NEDD4: variants seen among roughly 807,000 people sequenced by gnomAD.
NEDD4 encodes E3 ubiquitin-protein ligase NEDD4.
A neutral mutation model predicts 144.9 loss-of-function variants in NEDD4; 99 were observed. That is an observed-to-expected ratio of 0.68 (90% confidence interval 0.58 to 0.81). NEDD4 has a LOEUF of 0.81. Among genes scored for constraint, NEDD4 ranks in the 30% least tolerant of loss-of-function variants. The probability of loss-of-function intolerance (pLI) is 0.00; values close to 1 mark genes in which losing one functional copy is unlikely to be tolerated. For synonymous variants in NEDD4, 318 were observed against 350.6 expected (o/e 0.91, Z 1.04); for missense variants, 985 against 1,065.9 (o/e 0.92, Z 1.06).
intron 4 of NEDD4, among the ~76,000 whole-genome samples, chr15:55,949,641 G>A (rs1338477521): frequency 4.6e-5 from 7 of 152,196 alleles, no homozygotes; most frequent in African/African-American, 1.4e-4. Flanking sequence ...ATGAGTTCAT[G>A]TCTTTTGTAG....
In NEDD4 at chr15:55,899,448, TATAAC is replaced by T. The variant is rs1230664210; in HGVS notation, c.291+25193_291+25197del. ...AACTCATATGATTTTTACTGAAGAC[TATAAC>T]ATATCAATGAAAACAGGAAAAACGG... On this transcript the variant is annotated intron_variant, in intron 5 of 28. Coordinates refer to ENST00000435532, the MANE Select transcript of NEDD4 (RefSeq NM_006154.4). Among the ~76,000 whole-genome samples the T allele has an allele frequency of 3.9e-5, 6 of 152,328 alleles. No individual in the cohort carries two copies. In the East Asian group the frequency reaches 1.2e-3, roughly 29 times the overall value.
At chr15:55,958,653 A>G (rs1380591356) in intron 2 of NEDD4, among the ~76,000 whole-genome samples, 1 of 152,134 alleles carries the variant, frequency 6.6e-6, no homozygotes, top group East Asian at 1.9e-4. Context: ...TTTAATTAAC[A>G]ACAAATTCAA....
At chr15:55,954,234 C>T (rs371388916) in intron 2 of NEDD4, among the ~76,000 whole-genome samples, 10 of 152,184 alleles carry the variant, frequency 6.6e-5, no homozygotes, top group East Asian at 1.9e-4. Flanking sequence ...TTTGCTTCTA[C>T]GACACATCTC....
Position 55,873,477 on chromosome 15 carries a change from TA to T in NEDD4, c.342+480del, listed in dbSNP as rs1482974560. ...ACTCTTATCTTCCAAGTTCAACTTG[TA>T]TTATCTTTACTTCTTGCTTATTTTC... On this transcript the variant is annotated intron_variant, in intron 6 of 28. Coordinates refer to ENST00000435532, the MANE Select transcript of NEDD4 (RefSeq NM_006154.4). Among the ~76,000 whole-genome samples, 358 of 152,344 alleles carry T rather than the reference TA, an allele frequency of 2.3e-3. 2 individuals carry two copies. The highest frequency in any genetic ancestry group is 8.2e-3 in the African/African-American group (341 of 41,586).
chr15:55,963,983 AT>A (rs1285611320), intron 2 of NEDD4, among the ~76,000 whole-genome samples: 3 of 152,114 alleles, frequency 2.0e-5, no homozygotes, highest in African/African-American at 7.2e-5. Context: ...AATTAATTGA[AT>A]TGTAGTTCCC....
At chr15:55,934,886 T>TG (rs2036855228) in intron 4 of NEDD4, 1 of 131,314 alleles carries the variant, frequency 7.6e-6, no homozygotes, top group African/African-American at 2.8e-5. Flanking sequence ...TTTTTTTTTT[T>TG]GAAATGGAGT....
intron 12 of NEDD4, among the ~76,000 whole-genome samples, chr15:55,853,340 T>C (rs1380730485): frequency 6.6e-6 from 1 of 152,158 alleles, no homozygotes; most frequent in Non-Finnish European, 1.5e-5. Context: ...ACGTGTCCTG[T>C]TTAACACAGA....
chr15:55,923,757 C>G (rs931986747), intron 5 of NEDD4, among the ~76,000 whole-genome samples: 1 of 151,260 alleles, frequency 6.6e-6, no homozygotes, highest in Non-Finnish European at 1.5e-5. Flanking sequence ...TTGGCAATAT[C>G]TTTAGTTGCC....
At chr15:55,881,648 A>AAAACAT (rs1263374449) in intron 5 of NEDD4, among the ~76,000 whole-genome samples, 2 of 152,218 alleles carry the variant, frequency 1.3e-5, no homozygotes, top group African/African-American at 4.8e-5. Context: ...AACAAAAACA[A>AAAACAT]AAACAACTTT....
intron 19 of NEDD4, among the ~76,000 whole-genome samples, chr15:55,840,997 G>A (rs1219366060): frequency 1.4e-5 from 2 of 147,746 alleles, no homozygotes; most frequent in Non-Finnish European, 3.0e-5. Flanking sequence ...GCAATGACAC[G>A]GTCACAGCTC....
intron 5 of NEDD4, among the ~76,000 whole-genome samples, chr15:55,890,874 T>C (rs1320291066): frequency 6.6e-6 from 1 of 152,212 alleles, no homozygotes; most frequent in African/African-American, 2.4e-5. Flanking sequence ...GCTTTTTGCA[T>C]TTCCCTGGCA....
intron 5 of NEDD4, among the ~76,000 whole-genome samples, chr15:55,895,730 CAT>C (rs2035718964): frequency 6.6e-6 from 1 of 152,160 alleles, no homozygotes; most frequent in South Asian, 2.1e-4. Context: ...CCTTGAGAAA[CAT>C]GTATCTATTC....
chr15:55,964,692 GGTGTGTGTGT>G lies in NEDD4; in HGVS notation c.119+1771_119+1780del, dbSNP rs58177503. Among the ~76,000 whole-genome samples the G allele has an allele frequency of 8.1e-3, 1,108 of 137,204 alleles. 16 individuals carry two copies. The highest frequency in any genetic ancestry group is 0.027 in the African/African-American group (1,006 of 36,764). 90.0% of individuals were successfully genotyped at this position (137,204 alleles called of 152,430 possible). The stretch of plus-strand genomic sequence containing the variant: ...GTGTGTGTGTGTGAATTTTGCTGCT[GGTGTGTGTGT>G]GTGTGTGTGTGTGTGTGTGTGTGTG... On this transcript the variant is annotated intron_variant, in intron 2 of 28. Coordinates refer to ENST00000435532, the MANE Select transcript of NEDD4 (RefSeq NM_006154.4).
intron 2 of NEDD4, among the ~76,000 whole-genome samples, chr15:55,956,300 A>C (rs1344404554): frequency 6.6e-6 from 1 of 152,178 alleles, no homozygotes; most frequent in Non-Finnish European, 1.5e-5. Flanking sequence ...AAAGAAGAAA[A>C]GTTTTAATTG....
chr15:55,855,882 G>T (rs1045783437), intron 12 of NEDD4, among the ~76,000 whole-genome samples: 1 of 152,176 alleles, frequency 6.6e-6, no homozygotes, highest in Non-Finnish European at 1.5e-5. Context: ...AGCCAGCACA[G>T]CACTTCAACT....
chr15:55,958,717 T>C (rs2037378717), intron 2 of NEDD4, among the ~76,000 whole-genome samples: 1 of 152,138 alleles, frequency 6.6e-6, no homozygotes, highest in Non-Finnish European at 1.5e-5. Context: ...TATTAAAGTT[T>C]TGTATTTGTT....
chr15:55,863,992 C>G (rs529138217), intron 8 of NEDD4, among the ~76,000 whole-genome samples: 1 of 152,266 alleles, frequency 6.6e-6, no homozygotes, highest in East Asian at 1.9e-4. Flanking sequence ...AGTCATAAAA[C>G]AGCCAAAGAA....
chr15:55,845,798 C>CTT (rs11449030), intron 18 of NEDD4, among the ~76,000 whole-genome samples: 30,685 of 143,072 alleles, frequency 0.21, 3,617 homozygotes, highest in Non-Finnish European at 0.26. Context: ...TTTCTTTTTT[C>CTT]TTTTTTTTTT....
chr15:55,975,020 C>T (rs1246039079), intron 1 of NEDD4, among the ~76,000 whole-genome samples: 4 of 151,032 alleles, frequency 2.6e-5, no homozygotes, highest in Admixed American at 2.6e-4. Flanking sequence ...AGCCTCCCGA[C>T]TAGCTGGGAC....
Sources: gnomAD v4.1 joint callset for allele counts (sites outside exome capture counted in the v4.1 genomes callset) on GRCh38, gnomAD v4.1.1 for gene constraint, MANE v1.5 for transcripts, NCBI Gene and HGNC (gene_info 2026-07-23, HGNC 2026-07-21) for gene names.